Variants in ADAMTSL1 observed in about 807,000 individuals in gnomAD.
The protein encoded by ADAMTSL1 is ADAMTS like 1.
A neutral mutation model predicts 201.8 loss-of-function variants in ADAMTSL1; 126 were observed. That is an observed-to-expected ratio of 0.62 (90% CI 0.54 to 0.72). ADAMTSL1 has a LOEUF of 0.72. Among genes scored for constraint, ADAMTSL1 ranks in the 30% least tolerant of loss-of-function variants. The pLI is 0.00. For synonymous variants in ADAMTSL1, 1,121 were observed against 903.4 expected (o/e 1.24, Z -4.32); for missense variants, 2,679 against 2,277.8 (o/e 1.18, Z -3.59).
At position 18,908,702 on chromosome 9, in the gene ADAMTSL1, A is replaced by G. The variant is rs1296399669; in HGVS notation, c.*154A>G. 1 of 610,928 alleles carries G rather than the reference A, an allele frequency of 1.6e-6. No homozygotes were observed. The highest frequency in any genetic ancestry group is 2.9e-6 in the Non-Finnish European group (1 of 349,852). The allele number at this position is 610,928 out of a possible 1,614,324, so 37.8% of individuals were successfully genotyped here. A position where few individuals can be genotyped will look rare whatever the true frequency, so the allele number is the denominator to read the frequency against. ...ACCTCCTCCACCTCCACCTTCAAGC[A>G]TAAGGACGTCCGCGTGTTTTCTCTT... On this transcript the variant is annotated 3_prime_UTR_variant, in exon 29 of 29. Coordinates refer to ENST00000380548, the MANE Select transcript of ADAMTSL1 (RefSeq NM_001040272.6).
Position 18,180,580 on chromosome 9 carries a change from G to C in ADAMTSL1, c.207+16599G>C, listed in dbSNP as rs531766516. Among the ~76,000 whole-genome samples the C allele has an allele frequency of 7.3e-5, 11 of 151,104 alleles. No individual in the cohort carries two copies. In the East Asian group the frequency reaches 1.8e-3, roughly 24 times the overall value. ...ATACCTAAGAATCCAACTTACCAGGGATGTGAAGGACCTCTTCAAGGAGAA... is the reference window on the plus strand; with the variant it reads ...ATACCTAAGAATCCAACTTACCAGGCATGTGAAGGACCTCTTCAAGGAGAA... On this transcript the variant is annotated intron_variant, in intron 2 of 29. Transcript: ENST00000680146.
chr9:17,995,708 T>G (rs1819347411), intron 1 of ADAMTSL1, among the ~76,000 whole-genome samples: 1 of 151,980 alleles, frequency 6.6e-6, no homozygotes, highest in African/African-American at 2.4e-5. Context: ...CTGACAAGAT[T>G]GCTTAAATTA....
At chr9:18,175,726 C>T (rs912520623) in intron 2 of ADAMTSL1, among the ~76,000 whole-genome samples, 1 of 152,106 alleles carries the variant, frequency 6.6e-6, no homozygotes, top group African/African-American at 2.4e-5. Flanking sequence ...AGCCAGCTCT[C>T]ATTCTGGTCC....
intron 1 of ADAMTSL1, among the ~76,000 whole-genome samples, chr9:18,035,315 G>A (rs760256623): frequency 2.0e-5 from 3 of 152,166 alleles, no homozygotes; most frequent in South Asian, 2.1e-4. Context: ...TCATCCAGGA[G>A]AAGAAAAATG....
At chr9:18,610,378 G>A (rs1429802224) in intron 4 of ADAMTSL1, among the ~76,000 whole-genome samples, 1 of 152,112 alleles carries the variant, frequency 6.6e-6, no homozygotes, top group African/African-American at 2.4e-5. Context: ...CCTTGTCCAT[G>A]CATTTGAGAT....
rs1030908867 is a variant in ADAMTSL1, at chr9:18,282,662, C to T, written c.207+118681C>T. 5.9e-5 allele frequency among the ~76,000 whole-genome samples: 9 copies of T among 152,314 alleles called. No homozygotes were observed. In the East Asian group the frequency reaches 9.6e-4, roughly 16 times the overall value. On this transcript the variant is annotated intron_variant, in intron 2 of 29. Transcript: ENST00000680146. Reference sequence around the variant, plus strand: ...CCTGTAATCCTAGCACTTTGGGAGACAGATGCAGGCAGATCACCTGAGGTC... The same window carrying T: ...CCTGTAATCCTAGCACTTTGGGAGATAGATGCAGGCAGATCACCTGAGGTC...
chr9:18,208,651 A>G (rs1292708462), intron 2 of ADAMTSL1, among the ~76,000 whole-genome samples: 1 of 152,198 alleles, frequency 6.6e-6, no homozygotes. Flanking sequence ...TGAACCAGGC[A>G]TAGAGGGGAT....
chr9:18,735,608 A>C (rs2133510375), intron 15 of ADAMTSL1, among the ~76,000 whole-genome samples: 1 of 152,218 alleles, frequency 6.6e-6, no homozygotes, highest in African/African-American at 2.4e-5. Context: ...GGAAATGTAT[A>C]CTCTGGCATT....
At chr9:18,812,244 A>C (rs987348601) in intron 20 of ADAMTSL1, among the ~76,000 whole-genome samples, 7 of 130,372 alleles carry the variant, frequency 5.4e-5, no homozygotes, top group African/African-American at 2.0e-4. Flanking sequence ...GATCAGTGGA[A>C]CAGAATAGAG....
At chr9:18,178,990 G>T (rs1398896530) in intron 2 of ADAMTSL1, among the ~76,000 whole-genome samples, 1 of 152,242 alleles carries the variant, frequency 6.6e-6, no homozygotes, top group Non-Finnish European at 1.5e-5. Context: ...CCAAAGGAAC[G>T]CAGTTCCTCA....
At chr9:18,242,906 A>G (rs1161454544) in intron 2 of ADAMTSL1, among the ~76,000 whole-genome samples, 1 of 152,266 alleles carries the variant, frequency 6.6e-6, no homozygotes, top group East Asian at 1.9e-4. Flanking sequence ...TTGCTGTTAA[A>G]ACACCCATAC....
At chr9:18,157,173 G>C (rs982861255) in intron 1 of ADAMTSL1, among the ~76,000 whole-genome samples, 2 of 152,010 alleles carry the variant, frequency 1.3e-5, no homozygotes, top group Admixed American at 1.3e-4. Context: ...CTTGTTTATA[G>C]ATCAATCCCA....
intron 23 of ADAMTSL1, among the ~76,000 whole-genome samples, chr9:18,866,067 T>C (rs1301037787): frequency 7.4e-6 from 1 of 135,922 alleles, no homozygotes; most frequent in Non-Finnish European, 1.5e-5. Flanking sequence ...CACGTGTTTT[T>C]TGGTGTCCTT....
chr9:18,570,419 G>A (rs1280733572), intron 3 of ADAMTSL1, among the ~76,000 whole-genome samples: 1 of 152,206 alleles, frequency 6.6e-6, no homozygotes, highest in Non-Finnish European at 1.5e-5. Flanking sequence ...GATGATCCCA[G>A]ATGCATTAGG....
chr9:18,209,323 A>T (rs1405454405), intron 2 of ADAMTSL1, among the ~76,000 whole-genome samples: 4 of 152,166 alleles, frequency 2.6e-5, no homozygotes, highest in Non-Finnish European at 4.4e-5. Flanking sequence ...AACCTTCACT[A>T]TTGTTCTGGT....
Position 18,662,020 on chromosome 9 carries a change from C to G in ADAMTSL1, c.1032C>G (p.Asn344Lys), listed in dbSNP as rs139287759. Residue 344 changes from asparagine to lysine, a missense_variant, in exon 9 of 29, where the codon AAC (asparagine) becomes AAG (lysine). By Grantham distance (94) the Asn-to-Lys change is moderately conservative. Coordinates refer to ENST00000380548, the MANE Select transcript of ADAMTSL1 (RefSeq NM_001040272.6). ...AATACTGTCACTATTACCCAGAGAACATCAAACCCAAACCCAAGCTTCAGG... is the reference window on the plus strand; with the variant it reads ...AATACTGTCACTATTACCCAGAGAAGATCAAACCCAAACCCAAGCTTCAGG... ...ADQYCHYYPENIKPKPKLQEC... is the reference protein window; with the variant it reads ...ADQYCHYYPEKIKPKPKLQEC... The G allele has an allele frequency of 1.7e-5, 28 of 1,613,946 alleles. No individual in the cohort carries two copies. Among genetic ancestry groups the G allele is most frequent in the Non-Finnish European group, 2.4e-5 (28 of 1,179,964 alleles).
chr9:18,512,805 G>A (rs1227969878), intron 2 of ADAMTSL1, among the ~76,000 whole-genome samples: 1 of 152,072 alleles, frequency 6.6e-6, no homozygotes, highest in African/African-American at 2.4e-5. Context: ...TAATTCAATT[G>A]TATGAATTCC....
At chr9:18,176,211 A>G (rs550069918) in intron 2 of ADAMTSL1, among the ~76,000 whole-genome samples, 1 of 152,066 alleles carries the variant, frequency 6.6e-6, no homozygotes, top group East Asian at 1.9e-4. Flanking sequence ...ATACATATAG[A>G]TCATTTGCCC....
At chr9:18,643,809 G>A (rs77314727) in intron 7 of ADAMTSL1, among the ~76,000 whole-genome samples, 6 of 151,832 alleles carry the variant, frequency 4.0e-5, no homozygotes, top group African/African-American at 9.7e-5. Context: ...AAATCAGGTC[G>A]TATGATGCCT....
Sources: allele counts gnomAD v4.1 joint callset (sites outside exome capture counted in the v4.1 genomes callset), GRCh38; gene constraint gnomAD v4.1.1; transcripts MANE v1.5; gene names NCBI Gene and HGNC (gene_info 2026-07-23, HGNC 2026-07-21).